MDGA2: variants seen among roughly 807,000 people sequenced by gnomAD.
The protein encoded by MDGA2 is MAM domain containing glycosylphosphatidylinositol anchor 2.
A neutral mutation model predicts 117.8 loss-of-function variants in MDGA2; 40 were observed. That is an observed-to-expected ratio of 0.34 (90% confidence interval 0.26 to 0.44). MDGA2 has a LOEUF of 0.44. Ranked by LOEUF, MDGA2 falls within the 20% of genes least tolerant of loss-of-function variation. MDGA2 has a pLI of 1.00. For synonymous variants in MDGA2, 452 were observed against 439.0 expected (o/e 1.03, Z -0.37); for missense variants, 1,123 against 1,250.6 (o/e 0.90, Z 1.54).
At chr14:47,065,498 G>T (rs1890047407) in intron 6 of MDGA2, among the ~76,000 whole-genome samples, 1 of 152,168 alleles carries the variant, frequency 6.6e-6, no homozygotes, top group South Asian at 2.1e-4. Flanking sequence ...CTTGAGCATA[G>T]GCTTGAAAGA....
intron 6 of MDGA2, among the ~76,000 whole-genome samples, chr14:47,092,697 G>A (rs1315127392): frequency 6.6e-6 from 1 of 152,214 alleles, no homozygotes; most frequent in Middle Eastern, 3.4e-3. Flanking sequence ...AACAGAGGTA[G>A]TACACTGAAA....
chr14:47,607,575 T>C (rs1896764212), intron 1 of MDGA2, among the ~76,000 whole-genome samples: 1 of 152,160 alleles, frequency 6.6e-6, no homozygotes, highest in Non-Finnish European at 1.5e-5. Flanking sequence ...GCAGCAGTTT[T>C]GGTTCATAAC....
intron 8 of MDGA2, among the ~76,000 whole-genome samples, chr14:47,011,781 G>C (rs1887904037): frequency 6.6e-6 from 1 of 151,964 alleles, no homozygotes; most frequent in Non-Finnish European, 1.5e-5. Flanking sequence ...AAGGAAAGTA[G>C]AGAATATCAG....
At chr14:46,923,089 C>T (rs1423112097) in intron 9 of MDGA2, among the ~76,000 whole-genome samples, 1 of 152,252 alleles carries the variant, frequency 6.6e-6, no homozygotes, top group East Asian at 1.9e-4. Context: ...AAAAACAGAT[C>T]CTCATGATCT....
At chr14:47,621,525 A>G (rs1250703253) in intron 1 of MDGA2, among the ~76,000 whole-genome samples, 1 of 152,076 alleles carries the variant, frequency 6.6e-6, no homozygotes. Context: ...GCCTCTTTTC[A>G]TGTAATTCTC....
chr14:47,541,906 T>C (rs1340949838), intron 1 of MDGA2, among the ~76,000 whole-genome samples: 2 of 152,204 alleles, frequency 1.3e-5, no homozygotes, highest in Non-Finnish European at 2.9e-5. Flanking sequence ...CAAGGCTCCT[T>C]TGTCTTCTTC....
intron 3 of MDGA2, among the ~76,000 whole-genome samples, chr14:47,185,197 A>G (rs922968993): frequency 2.0e-5 from 3 of 151,244 alleles, no homozygotes; most frequent in African/African-American, 7.2e-5. Flanking sequence ...GAAAAGGAAA[A>G]TATTAACCAG....
chr14:47,348,502 G>A (rs1235640416), intron 1 of MDGA2, among the ~76,000 whole-genome samples: 7 of 152,062 alleles, frequency 4.6e-5, no homozygotes, highest in Admixed American at 1.3e-4. Context: ...ATGAGCTACC[G>A]CATCAGGCCC....
chr14:47,168,176 T>C (rs780387452), intron 3 of MDGA2, among the ~76,000 whole-genome samples: 8 of 151,194 alleles, frequency 5.3e-5, no homozygotes, highest in Non-Finnish European at 8.8e-5. Flanking sequence ...TTTCCTCTTA[T>C]GGAGTTTCTG....
intron 3 of MDGA2, among the ~76,000 whole-genome samples, chr14:47,172,303 C>A (rs1217891145): frequency 6.6e-6 from 1 of 152,116 alleles, no homozygotes; most frequent in African/African-American, 2.4e-5. Flanking sequence ...AGTGGTTCTC[C>A]AAGCACGCAG....
intron 1 of MDGA2, among the ~76,000 whole-genome samples, chr14:47,564,874 A>G (rs1895886769): frequency 6.6e-6 from 1 of 152,078 alleles, no homozygotes; most frequent in East Asian, 1.9e-4. Flanking sequence ...AAGCTCTGAG[A>G]TTCTTTCCTC....
intron 1 of MDGA2, among the ~76,000 whole-genome samples, chr14:47,519,476 T>C (rs960281902): frequency 2.0e-5 from 3 of 152,204 alleles, no homozygotes; most frequent in African/African-American, 7.2e-5. Flanking sequence ...TGTGGTCAAT[T>C]ACATTGTTAC....
At chr14:47,354,179 G>T (rs113362933) in intron 1 of MDGA2, among the ~76,000 whole-genome samples, 1 of 152,100 alleles carries the variant, frequency 6.6e-6, no homozygotes, top group Non-Finnish European at 1.5e-5. Context: ...TGAAAAGCCC[G>T]CAGCTAACAT....
rs560248343 is a variant in MDGA2, at chr14:47,553,535, A to C, written c.280+120982T>G. 1.6e-4 allele frequency among the ~76,000 whole-genome samples: 24 copies of C among 152,310 alleles called. No homozygotes were observed. The South Asian group carries it at 4.8e-3, about 30-fold the overall frequency. On this transcript the variant is annotated intron_variant, in intron 1 of 16. Coordinates refer to ENST00000399232, the MANE Select transcript of MDGA2 (RefSeq NM_001113498.3). Reference sequence around the variant, plus strand: ...TCAAATAATAGTGTGGACATTTGAAAGCTTTTGGAAAACACTAAAAGGTAA... The same window carrying C: ...TCAAATAATAGTGTGGACATTTGAACGCTTTTGGAAAACACTAAAAGGTAA...
At chr14:47,172,539 G>T (rs1317151858) in intron 3 of MDGA2, among the ~76,000 whole-genome samples, 1 of 152,184 alleles carries the variant, frequency 6.6e-6, no homozygotes, top group Admixed American at 6.5e-5. Flanking sequence ...AAGCAAACAG[G>T]GTTTGGAGTG....
At chr14:46,914,204 G>A (rs752888207) in intron 10 of MDGA2, among the ~76,000 whole-genome samples, 5 of 152,004 alleles carry the variant, frequency 3.3e-5, no homozygotes, top group Non-Finnish European at 7.4e-5. Context: ...TAGATACCAA[G>A]GAAAGTAGAT....
chr14:47,595,238 GA>G (rs113153456), intron 1 of MDGA2, among the ~76,000 whole-genome samples: 81 of 144,058 alleles, frequency 5.6e-4, no homozygotes, highest in South Asian at 2.7e-3. Context: ...TAGCATTAGA[GA>G]AAAAAAAAAA....
chr14:47,109,931 C>A (rs1406055160), intron 5 of MDGA2, among the ~76,000 whole-genome samples: 2 of 151,870 alleles, frequency 1.3e-5, no homozygotes, highest in African/African-American at 2.4e-5. Context: ...AGGGAGACAG[C>A]GAGACTTTGT....
At chr14:46,845,609 A>T in intron 16 of MDGA2, among the ~76,000 whole-genome samples, 157 bp downstream of exon 16, 1 of 152,204 alleles carries the variant, frequency 6.6e-6, no homozygotes, top group East Asian at 1.9e-4. Context: ...AATACTTTAA[A>T]AATAACTGAA....
Sources: allele counts gnomAD v4.1 joint callset (sites outside exome capture counted in the v4.1 genomes callset), GRCh38; gene constraint gnomAD v4.1.1; transcripts MANE v1.5; gene names NCBI Gene and HGNC (gene_info 2026-07-23, HGNC 2026-07-21).